Variants in CLSTN2 observed in about 807,000 individuals in gnomAD.
CLSTN2 encodes the protein calsyntenin-2.
A neutral mutation model predicts 101.2 loss-of-function variants in CLSTN2; 48 were observed. The ratio of observed to expected loss-of-function variants is 0.47; its 90% confidence interval spans 0.38 to 0.60. The LOEUF (loss-of-function observed/expected upper bound fraction) is 0.60. Among genes scored for constraint, CLSTN2 ranks in the 20% least tolerant of loss-of-function variants. The probability of loss-of-function intolerance (pLI) is 0.00; values close to 1 mark genes in which losing one functional copy is unlikely to be tolerated. For synonymous variants in CLSTN2, 481 were observed against 463.6 expected, an observed-to-expected ratio of 1.04 and a Z score of -0.48; for missense variants, 1,160 against 1,238.2, an observed-to-expected ratio of 0.94 and a Z score of 0.95.
At chr3:140,392,879 G>T (rs1358001066) in intron 2 of CLSTN2, among the ~76,000 whole-genome samples, 1 of 151,836 alleles carries the variant, frequency 6.6e-6, no homozygotes, top group Non-Finnish European at 1.5e-5. Flanking sequence ...AGGGTGAGAA[G>T]TCCATGGTCG....
At chr3:140,522,703 T>C (rs374814829) in intron 8 of CLSTN2, among the ~76,000 whole-genome samples, 3 of 152,238 alleles carry the variant, frequency 2.0e-5, no homozygotes, top group African/African-American at 7.2e-5. Context: ...TGTCATACAA[T>C]CTCATCTATC....
chr3:140,266,577 T>C (rs2107886662), intron 2 of CLSTN2, among the ~76,000 whole-genome samples: 1 of 152,314 alleles, frequency 6.6e-6, no homozygotes, highest in South Asian at 2.1e-4. Flanking sequence ...CTAAAGCTCA[T>C]CATTAGCTTT....
rs571771109 is a variant in CLSTN2, at chr3:140,131,762, A to G, written c.110-44189A>G. The stretch of plus-strand genomic sequence containing the variant: ...CCACGACTTTTCAGCAAAGCATGGC[A>G]CAGACAGCTTTGTGCTTTAGGGAGC... On this transcript the variant is annotated intron_variant, in intron 1 of 16. Coordinates refer to ENST00000458420, the MANE Select transcript of CLSTN2 (RefSeq NM_022131.3). Among the ~76,000 whole-genome samples the G allele has an allele frequency of 2.6e-5, 4 of 152,274 alleles. No homozygotes were observed. In the South Asian group the frequency reaches 8.3e-4, roughly 32 times the overall value.
chr3:140,382,126 A>C (rs1230192865), intron 2 of CLSTN2, among the ~76,000 whole-genome samples: 1 of 152,044 alleles, frequency 6.6e-6, no homozygotes, highest in African/African-American at 2.4e-5. Context: ...ATTTCTTATT[A>C]TTTTTTGCTT....
At chr3:140,546,449 T>C in intron 9 of CLSTN2, 66 bp from the exon 10 acceptor site, 1 of 1,524,966 alleles carries the variant, frequency 6.6e-7, no homozygotes, top group South Asian at 1.2e-5. Flanking sequence ...CATGGCCAAG[T>C]GGTGCCTTGA....
Position 140,567,563 on chromosome 3 carries a change from T to C in CLSTN2, c.*1310T>C, listed in dbSNP as rs1478297658. On this transcript the variant is annotated 3_prime_UTR_variant, in exon 17 of 17. Transcript: ENST00000458420. ...CACAACCTGTGAAGAGAATTGTTTC[T>C]ATAGTAACTGGTCTGTGATCTTTTG... 1 of 152,232 alleles carries C rather than the reference T, an allele frequency of 6.6e-6. No homozygotes were observed. Among genetic ancestry groups the C allele is most frequent in the African/African-American group, 2.4e-5 (1 of 41,466 alleles). The allele number at this position is 152,232 out of a possible 1,614,324, so 9.4% of individuals were successfully genotyped here. A position where few individuals can be genotyped will look rare whatever the true frequency, so the allele number is the denominator to read the frequency against.
intron 2 of CLSTN2, among the ~76,000 whole-genome samples, chr3:140,377,598 G>A (rs999894981): frequency 4.6e-5 from 7 of 151,852 alleles, no homozygotes; most frequent in African/African-American, 1.7e-4. Context: ...AAAATAAATT[G>A]CAAAAGTAGA....
chr3:140,163,527 TG>T (rs924806555), intron 1 of CLSTN2, among the ~76,000 whole-genome samples: 2 of 151,986 alleles, frequency 1.3e-5, no homozygotes, highest in African/African-American at 2.4e-5. Context: ...GAACCCTGAC[TG>T]TTCATTCCCC....
At chr3:140,214,462 AG>A (rs1205514005) in intron 2 of CLSTN2, among the ~76,000 whole-genome samples, 1 of 151,062 alleles carries the variant, frequency 6.6e-6, no homozygotes, top group African/African-American at 2.4e-5. Flanking sequence ...TTAAAAAAAA[AG>A]AATAGGTCCA....
intron 2 of CLSTN2, among the ~76,000 whole-genome samples, chr3:140,388,970 A>G (rs897168153): frequency 6.6e-6 from 1 of 152,186 alleles, no homozygotes; most frequent in African/African-American, 2.4e-5. Context: ...ATGACCATAT[A>G]GTTTTTCTCT....
intron 2 of CLSTN2, among the ~76,000 whole-genome samples, chr3:140,272,229 G>C (rs1461053855): frequency 6.6e-6 from 1 of 152,170 alleles, no homozygotes; most frequent in Non-Finnish European, 1.5e-5. Flanking sequence ...TAGGCTCACA[G>C]CCTAGCTCCT....
chr3:140,288,262 T>A (rs1449674745), intron 2 of CLSTN2, among the ~76,000 whole-genome samples: 2 of 151,788 alleles, frequency 1.3e-5, no homozygotes, highest in Non-Finnish European at 2.9e-5. Flanking sequence ...GAAAGTAGGG[T>A]GGGAAGAAAA....
chr3:140,371,375 G>A (rs1421879695), intron 2 of CLSTN2, among the ~76,000 whole-genome samples: 1 of 152,188 alleles, frequency 6.6e-6, no homozygotes, highest in African/African-American at 2.4e-5. Context: ...GGCATTTGGG[G>A]GTGGGCAGGG....
At chr3:140,306,739 C>G (rs1576508079) in intron 2 of CLSTN2, among the ~76,000 whole-genome samples, 1 of 152,118 alleles carries the variant, frequency 6.6e-6, no homozygotes, top group Non-Finnish European at 1.5e-5. Context: ...CATCATGTGG[C>G]TTTTCCAGAA....
rs2088500375 is a variant in CLSTN2 at position 140,421,163 on chromosome 3, C to A, written c.676C>A (p.Gln226Lys). The A allele has an allele frequency of 6.2e-7, 1 of 1,614,050 alleles. No individual in the cohort carries two copies. Among genetic ancestry groups the A allele is most frequent in the Admixed American group, 1.7e-5 (1 of 60,012 alleles). ...RNTEKLSYDK[Q>K]HQYEILVTAY... ...CACTGAGAAGCTGAGCTATGACAAA[C>A]AACACCAGTATGAGATCCTGGTGAC... is the stretch of plus-strand genomic sequence containing the variant. Residue 226 changes from glutamine to lysine, a missense_variant, in exon 5 of 17, where the codon CAA becomes AAA. Gln to Lys is a moderately conservative substitution (Grantham distance 53, BLOSUM62 1). Coordinates refer to ENST00000458420, the MANE Select transcript of CLSTN2 (RefSeq NM_022131.3).
At chr3:139,968,984 T>C (rs1001044297) in intron 1 of CLSTN2, among the ~76,000 whole-genome samples, 3 of 152,196 alleles carry the variant, frequency 2.0e-5, no homozygotes, top group Non-Finnish European at 4.4e-5. Flanking sequence ...TTTAAGAGCT[T>C]GGAAAAGTAA....
At chr3:140,240,172 CTCTATA>C (rs1254170744) in intron 2 of CLSTN2, among the ~76,000 whole-genome samples, 174 of 13,764 alleles carry the variant, frequency 0.013, no homozygotes, top group Admixed American at 0.027. Context: ...CTCTCTCTCT[CTCTATA>C]TATATATATA....
chr3:140,245,769 C>A (rs745424705), intron 2 of CLSTN2, among the ~76,000 whole-genome samples: 5 of 152,162 alleles, frequency 3.3e-5, no homozygotes, highest in Non-Finnish European at 5.9e-5. Context: ...TGGGACAGTG[C>A]CCTGCTCTGA....
At chr3:140,154,913 A>C (rs375360313) in intron 1 of CLSTN2, among the ~76,000 whole-genome samples, 4 of 152,092 alleles carry the variant, frequency 2.6e-5, no homozygotes, top group East Asian at 3.9e-4. Context: ...GAAGTACCAC[A>C]CTTTTAAACC....
Sources: gnomAD v4.1 joint callset for allele counts (sites outside exome capture counted in the v4.1 genomes callset) on GRCh38, gnomAD v4.1.1 for gene constraint, MANE v1.5 for transcripts, NCBI Gene and HGNC (gene_info 2026-07-23, HGNC 2026-07-21) for gene names.